The following GTF2A1 variants were observed in gnomAD, a reference collection of about 807,000 sequenced individuals.
GTF2A1 encodes the protein general transcription factor IIA subunit 1, also known as transcription initiation factor IIA subunit 1.
GTF2A1 carries 12 observed loss-of-function variants against 54.1 expected under a neutral mutation model. The observed-to-expected ratio is 0.22, with a 90% CI of 0.14 to 0.36. The LOEUF (loss-of-function observed/expected upper bound fraction) is 0.36, where lower values mean the gene tolerates loss of function less well. Ranked by LOEUF, GTF2A1 falls within the 10% of genes least tolerant of loss-of-function variation. The probability of loss-of-function intolerance (pLI) is 1.00; values close to 1 mark genes in which losing one functional copy is unlikely to be tolerated. For synonymous variants in GTF2A1, 145 were observed against 152.0 expected, an observed-to-expected ratio of 0.95 and a Z score of 0.34; for missense variants, 335 against 442.2, an observed-to-expected ratio of 0.76 and a Z score of 2.17.
intron 7 of GTF2A1, among the ~76,000 whole-genome samples, chr14:81,186,098 C>A (rs1270653145): frequency 6.6e-6 from 1 of 150,520 alleles, no homozygotes; most frequent in Non-Finnish European, 1.5e-5. Context: ...TGATCCACCC[C>A]GCCTAGGCCT....
rs150492501 is a variant in GTF2A1 at position 81,196,168 on chromosome 14, T to A, written c.552A>T (p.Leu184=). 1 of 1,613,788 alleles carries A rather than the reference T, an allele frequency of 6.2e-7. No homozygotes were observed. Among genetic ancestry groups the A allele is most frequent in the Non-Finnish European group, 8.5e-7 (1 of 1,179,782 alleles). ...GCATTTGTGGTATAACCTGTTGTTGTAGAACCACTGACTGCTGAGGCTGAA... is the reference window on the plus strand; with the variant it reads ...GCATTTGTGGTATAACCTGTTGTTGAAGAACCACTGACTGCTGAGGCTGAA... ...YIFQPQQSVV[L]QQQVIPQMQP... Residue 184 remains leucine, a synonymous_variant, in exon 6 of 9, where the codon CTA becomes CTT. Transcript: ENST00000553612.
intron 3 of GTF2A1, among the ~76,000 whole-genome samples, chr14:81,201,886 G>A (rs570262775): frequency 3.3e-5 from 5 of 152,226 alleles, no homozygotes; most frequent in Admixed American, 6.5e-5. Context: ...AAGCCCAGGC[G>A]TGGTGGCTCA....
chr14:81,203,884 A>G lies in GTF2A1; in HGVS notation c.337+16T>C. 6.3e-7 allele frequency: 1 copy of G among 1,593,912 alleles called. No individual in the cohort carries two copies. Among genetic ancestry groups the G allele is most frequent in the Non-Finnish European group, 8.6e-7 (1 of 1,161,602 alleles). On this transcript the variant is annotated intron_variant, in intron 3 of 8. Coordinates refer to ENST00000553612, the MANE Select transcript of GTF2A1 (RefSeq NM_015859.4). The stretch of plus-strand genomic sequence containing the variant: ...TAATTTCCAAGTCATAAGTAGGAAA[A>G]CAAGTCCAGTCTCACCTTGCTGTGA...
chr14:81,214,220 G>T (rs1893436130), intron 2 of GTF2A1, among the ~76,000 whole-genome samples: 1 of 152,124 alleles, frequency 6.6e-6, no homozygotes, highest in South Asian at 2.1e-4. Flanking sequence ...CTGAATGGAT[G>T]AGACCACAAC....
chr14:81,197,197 T>C, intron 5 of GTF2A1: 1 of 458,256 alleles, frequency 2.2e-6, no homozygotes, highest in Non-Finnish European at 4.0e-6. Flanking sequence ...AGATCAAAGG[T>C]TCAAGTACAA....
intron 2 of GTF2A1, among the ~76,000 whole-genome samples, chr14:81,208,211 G>T (rs1893285096): frequency 6.6e-6 from 1 of 152,152 alleles, no homozygotes; most frequent in South Asian, 2.1e-4. Context: ...CCCATGCTGT[G>T]TGCAGCCTAG....
At position 81,211,902 on chromosome 14, in the gene GTF2A1, T is replaced by C. The variant is rs1027951441; in HGVS notation, c.132+4511A>G. Reference sequence around the variant, plus strand: ...ATATATATATATATATATATATATATATATATAACTAGAGTATATTTAGAA... The same window carrying C: ...ATATATATATATATATATATATATACATATATAACTAGAGTATATTTAGAA... On this transcript the variant is annotated intron_variant, in intron 2 of 8. Coordinates refer to ENST00000553612, the MANE Select transcript of GTF2A1 (RefSeq NM_015859.4). Among the ~76,000 whole-genome samples, 3 of 139,294 alleles carry C rather than the reference T, an allele frequency of 2.2e-5. No homozygotes were observed. In the East Asian group the frequency reaches 6.3e-4, roughly 29 times the overall value. 91.4% of individuals were successfully genotyped at this position (139,294 alleles called of 152,430 possible).
chr14:81,182,434 A>G (rs1892659028), intron 8 of GTF2A1, among the ~76,000 whole-genome samples: 1 of 152,202 alleles, frequency 6.6e-6, no homozygotes, highest in South Asian at 2.1e-4. Flanking sequence ...TCATCAAAAA[A>G]TCTCAAGAGT....
At chr14:81,216,190 A>ATTAT (rs1385712524) in intron 2 of GTF2A1, among the ~76,000 whole-genome samples, 1 of 152,202 alleles carries the variant, frequency 6.6e-6, no homozygotes, top group African/African-American at 2.4e-5. Flanking sequence ...CAAACCTATA[A>ATTAT]GGTAAGTACT....
In GTF2A1 at chr14:81,192,915, C is replaced by T. The variant is rs187098261; in HGVS notation, c.613-76G>A. 93 of 839,080 alleles carry T rather than the reference C, an allele frequency of 1.1e-4. 1 individual carries two copies. In the Middle Eastern group the frequency reaches 3.3e-3, roughly 30 times the overall value. The allele number at this position is 839,080 out of a possible 1,614,324, so 52.0% of individuals were successfully genotyped here. On this transcript the variant is annotated intron_variant, in intron 6 of 8. Coordinates refer to ENST00000553612, the MANE Select transcript of GTF2A1 (RefSeq NM_015859.4). ...TGGTACACAGAAATAGAAACAAATG[C>T]TTAAGATTCACCAGAATGGCCATAT...
upstream of GTF2A1, chr14:81,221,034 G>A (rs560299395): frequency 9.5e-4 from 146 of 153,418 alleles, no homozygotes; most frequent in Middle Eastern, 0.014. Flanking sequence ...CACCGCGAGA[G>A]CCGCGTGCGC....
In GTF2A1 at chr14:81,196,316, T is replaced by C. The variant is rs1461007456; in HGVS notation, c.479-75A>G. 4 of 1,446,224 alleles carry C rather than the reference T, an allele frequency of 2.8e-6. No homozygotes were observed. The African/African-American group carries it at 4.2e-5, about 15-fold the overall frequency. The allele number at this position is 1,446,224 out of a possible 1,614,324, so 89.6% of individuals were successfully genotyped here. On this transcript the variant is annotated intron_variant, in intron 5 of 8. Coordinates refer to ENST00000553612, the MANE Select transcript of GTF2A1 (RefSeq NM_015859.4). ...TCAAAAGAAATGAATTCATATTTAATTTCATACCACCAAAGGCACAAGAAA... is the reference window on the plus strand; with the variant it reads ...TCAAAAGAAATGAATTCATATTTAACTTCATACCACCAAAGGCACAAGAAA...
chr14:81,206,585 A>G (rs1566859070), intron 2 of GTF2A1, among the ~76,000 whole-genome samples: 2 of 152,214 alleles, frequency 1.3e-5, no homozygotes, highest in Non-Finnish European at 2.9e-5. Context: ...TAGACCCAAC[A>G]TCAGCATCAC....
intron 7 of GTF2A1, among the ~76,000 whole-genome samples, chr14:81,185,883 AG>A: frequency 6.6e-6 from 1 of 152,174 alleles, no homozygotes; most frequent in Non-Finnish European, 1.5e-5. Context: ...TCTTTTTTTG[AG>A]ACACAGTCTC....
intron 2 of GTF2A1, chr14:81,204,358 T>C: frequency 6.8e-6 from 4 of 587,698 alleles, no homozygotes; most frequent in East Asian, 3.5e-5. Flanking sequence ...GAACTTTCTA[T>C]AGTAATTCCT....
At chr14:81,211,875 T>TCATATA (rs1419902730) in intron 2 of GTF2A1, among the ~76,000 whole-genome samples, 16 of 68,480 alleles carry the variant, frequency 2.3e-4, no homozygotes, top group African/African-American at 8.1e-4. Context: ...ATCAAGTACT[T>TCATATA]TATATATATA....
At chr14:81,198,681 T>G (rs1157797068) in intron 4 of GTF2A1, among the ~76,000 whole-genome samples, 1 of 152,164 alleles carries the variant, frequency 6.6e-6, no homozygotes, top group East Asian at 1.9e-4. Context: ...TTCCCTCTCT[T>G]TTCAATCTTC....
rs118026855 is a variant in GTF2A1, at chr14:81,207,347, C to T, written c.133-3243G>A. Reference sequence around the variant, plus strand: ...CTGATGGGTTTATCAGGTGTTTTCGCTTTTGCTTGTTCCTCATTTTCTCTT... The same window carrying T: ...CTGATGGGTTTATCAGGTGTTTTCGTTTTTGCTTGTTCCTCATTTTCTCTT... On this transcript the variant is annotated intron_variant, in intron 2 of 8. Coordinates refer to ENST00000553612, the MANE Select transcript of GTF2A1 (RefSeq NM_015859.4). 1.7e-3 allele frequency among the ~76,000 whole-genome samples: 256 copies of T among 152,218 alleles called. 5 individuals carry two copies. In the East Asian group the frequency reaches 0.045, roughly 27 times the overall value.
At chr14:81,216,009 G>A (rs1010423755) in intron 2 of GTF2A1, among the ~76,000 whole-genome samples, 3 of 152,154 alleles carry the variant, frequency 2.0e-5, no homozygotes, top group Admixed American at 6.5e-5. Flanking sequence ...GACAGAGCCC[G>A]ACCCTGTCTC....
Sources: allele counts gnomAD v4.1 joint callset (sites outside exome capture counted in the v4.1 genomes callset), GRCh38; gene constraint gnomAD v4.1.1; transcripts MANE v1.5; gene names NCBI Gene and HGNC (gene_info 2026-07-23, HGNC 2026-07-21).